Variants in UMODL1 observed in about 807,000 individuals in gnomAD.
The protein encoded by UMODL1 is uromodulin like 1.
Under a neutral mutation model 136.3 loss-of-function variants are expected in UMODL1, and 128 were observed. That is an observed-to-expected ratio of 0.94 (90% CI 0.81 to 1.09). The LOEUF (loss-of-function observed/expected upper bound fraction) is 1.09, where lower values mean the gene tolerates loss of function less well. UMODL1 is among the 50% of genes least tolerant of loss of function. The pLI is 0.00. For missense variants in UMODL1, 1,766 were observed against 1,725.6 expected, an observed-to-expected ratio of 1.02 and a Z score of -0.41; for synonymous variants, 721 against 720.0, an observed-to-expected ratio of 1.00 and a Z score of -0.02.
chr21:42,087,568 T>C (rs1338621107), intron 4 of UMODL1, among the ~76,000 whole-genome samples: 2 of 152,294 alleles, frequency 1.3e-5, no homozygotes, highest in African/African-American at 2.4e-5. Context: ...GAAAAATAAT[T>C]GGATGTGTAC....
At chr21:42,091,269 TG>T (rs2066489008) in intron 6 of UMODL1, among the ~76,000 whole-genome samples, 1 of 152,218 alleles carries the variant, frequency 6.6e-6, no homozygotes, top group Non-Finnish European at 1.5e-5. Context: ...AGGGCAGGAC[TG>T]ATGTCTGCAC....
chr21:42,080,514 CG>C (rs1569142750), intron 2 of UMODL1, among the ~76,000 whole-genome samples: 1 of 152,086 alleles, frequency 6.6e-6, no homozygotes, highest in African/African-American at 2.4e-5. Flanking sequence ...AAAAAGGGAA[CG>C]GAAGCATGGA....
At chr21:42,104,360 G>GC (rs979208060) in intron 9 of UMODL1, among the ~76,000 whole-genome samples, 36 of 152,276 alleles carry the variant, frequency 2.4e-4, no homozygotes, top group African/African-American at 8.4e-4. Context: ...TGTCGTCAGG[G>GC]CCCCCCAGCA....
chr21:42,080,409 C>T (rs533222409), intron 2 of UMODL1, among the ~76,000 whole-genome samples: 5 of 152,290 alleles, frequency 3.3e-5, no homozygotes, highest in African/African-American at 7.2e-5. Context: ...CTCAGCTACC[C>T]GGGGGTCTGC....
chr21:42,116,607 CCCT>C (rs1601248790), intron 14 of UMODL1, among the ~76,000 whole-genome samples: 1 of 151,036 alleles, frequency 6.6e-6, no homozygotes, highest in East Asian at 2.0e-4. Flanking sequence ...AGCAGAAAGT[CCCT>C]CCACGGTTTT....
chr21:42,132,131 C>T (rs553695425), intron 21 of UMODL1, among the ~76,000 whole-genome samples: 1 of 152,134 alleles, frequency 6.6e-6, no homozygotes, highest in African/African-American at 2.4e-5. Flanking sequence ...ATCTTTCCAT[C>T]TATCATTTTT....
rs758028394 is a variant in UMODL1, at chr21:42,119,250, T to C, written c.2615T>C (p.Val872Ala). Reference sequence around the variant, plus strand: ...ATCGCAGATGTGGATGTCCAGGAGGTGTCAGCTGCATTTCTCACCGCCTTC... The same window carrying C: ...ATCGCAGATGTGGATGTCCAGGAGGCGTCAGCTGCATTTCTCACCGCCTTC... ...LIIADVDVQE[V>A]SAAFLTAFQT... The change falls in exon 15 of 23, where the codon GTG becomes GCG. Residue 872 changes from valine (V) to alanine (A), a missense_variant. Coordinates refer to ENST00000408910, the MANE Select transcript of UMODL1 (RefSeq NM_001004416.3). 17 of 1,613,956 alleles carry C rather than the reference T, an allele frequency of 1.1e-5. No homozygotes were observed. Among genetic ancestry groups the C allele is most frequent in the Middle Eastern group, 1.6e-4 (1 of 6,082 alleles).
At chr21:42,115,815 G>T in intron 13 of UMODL1, 58 bp from the exon 14 acceptor site, 1 of 1,312,224 alleles carries the variant, frequency 7.6e-7, no homozygotes, top group Non-Finnish European at 1.1e-6. Flanking sequence ...ATATTGAAAT[G>T]TTAGTCTGTT....
chr21:42,069,734 A>G (rs1036851763), upstream of UMODL1, among the ~76,000 whole-genome samples: 1 of 152,234 alleles, frequency 6.6e-6, no homozygotes, highest in African/African-American at 2.4e-5. Flanking sequence ...TTTTATAGAC[A>G]TTCATACATT....
intron 1 of UMODL1, among the ~76,000 whole-genome samples, chr21:42,073,267 G>A (rs1355001838): frequency 6.6e-6 from 1 of 152,256 alleles, no homozygotes. Context: ...TGGTCACTGA[G>A]TAGGTGAGCG....
rs115526554 is a variant in UMODL1, at chr21:42,122,737, G to T, written c.2828-94G>T. 1.1e-5 allele frequency: 14 copies of T among 1,306,192 alleles called. No individual in the cohort carries two copies. The highest frequency in any genetic ancestry group is 3.0e-5 in the African/African-American group (2 of 67,258). 80.9% of individuals were successfully genotyped at this position (1,306,192 alleles called of 1,614,324 possible). ...TTCCCAGGTGTGGCTGCTGCAGAGT[G>T]CAGGGCAGCTCCAGTCTGCTCCTTA... On this transcript the variant is annotated intron_variant, in intron 16 of 22. Coordinates refer to ENST00000408910, the MANE Select transcript of UMODL1 (RefSeq NM_001004416.3). The surrounding 1 kb of genome is among the most constrained non-coding windows in gnomAD (Gnocchi z 4.3).
intron 9 of UMODL1, among the ~76,000 whole-genome samples, chr21:42,107,462 G>A (rs1048720250): frequency 1.3e-5 from 2 of 152,328 alleles, no homozygotes; most frequent in East Asian, 1.9e-4. Flanking sequence ...CAGAGTGAGA[G>A]AAGGGCCGTG....
At chr21:42,125,632 G>C (rs1181896041) in intron 17 of UMODL1, among the ~76,000 whole-genome samples, 1 of 152,194 alleles carries the variant, frequency 6.6e-6, no homozygotes, top group Non-Finnish European at 1.5e-5. Flanking sequence ...TGGCAGCAGG[G>C]GGGTGTCTGC....
At chr21:42,076,391 AT>A in intron 2 of UMODL1, 144 bp downstream of exon 2, 2 of 1,339,048 alleles carry the variant, frequency 1.5e-6, no homozygotes, top group Non-Finnish European at 2.0e-6. Context: ...GCAGCAGGTC[AT>A]CGGCAGGGCT....
chr21:42,108,095 C>T (rs138365179), intron 9 of UMODL1, among the ~76,000 whole-genome samples: 15 of 152,344 alleles, frequency 9.8e-5, no homozygotes, highest in African/African-American at 3.6e-4. Context: ...CAGCTGTCAG[C>T]GCCTTCCTCT....
intron 13 of UMODL1, among the ~76,000 whole-genome samples, chr21:42,115,234 G>A (rs1466453615): frequency 6.6e-6 from 1 of 152,218 alleles, no homozygotes; most frequent in African/African-American, 2.4e-5. Flanking sequence ...GCCAGGGCCA[G>A]GATGGGATGG....
At chr21:42,106,336 A>T (rs1055296488) in intron 9 of UMODL1, among the ~76,000 whole-genome samples, 3 of 152,366 alleles carry the variant, frequency 2.0e-5, no homozygotes, top group African/African-American at 7.2e-5. Context: ...GGCAAAAAAA[A>T]CAAGAAACGA....
intron 9 of UMODL1, 127 bp from the exon 10 acceptor site, chr21:42,109,434 CA>C: frequency 7.8e-7 from 1 of 1,286,680 alleles, no homozygotes; most frequent in Admixed American, 2.0e-5. Context: ...ACGGATGCCC[CA>C]AAATGCCCCT....
chr21:42,120,391 T>C (rs1251101351), intron 15 of UMODL1: 6 of 152,370 alleles, frequency 3.9e-5, no homozygotes, highest in Admixed American at 6.5e-5. Context: ...TACAAAGATG[T>C]TCATCTTCAG....
Sources: allele counts gnomAD v4.1 joint callset (sites outside exome capture counted in the v4.1 genomes callset), GRCh38; gene constraint gnomAD v4.1.1; non-coding constraint Gnocchi (gnomAD v3.1); transcripts MANE v1.5; gene names NCBI Gene and HGNC (gene_info 2026-07-23, HGNC 2026-07-21).